The following DOCK4 variants were observed in gnomAD, a reference collection of about 807,000 sequenced individuals.
The protein encoded by DOCK4 is dedicator of cytokinesis 4.
DOCK4 carries 97 observed loss-of-function variants against 268.1 expected under a neutral mutation model. That is an observed-to-expected ratio of 0.36 (90% CI 0.31 to 0.43). The LOEUF is 0.43. Ranked by LOEUF, DOCK4 falls within the 20% of genes least tolerant of loss-of-function variation. The pLI is 1.00. For missense variants in DOCK4, 2,145 were observed against 2,455.7 expected, an observed-to-expected ratio of 0.87 and a Z score of 2.67; for synonymous variants, 954 against 887.2, an observed-to-expected ratio of 1.08 and a Z score of -1.34.
intron 13 of DOCK4, among the ~76,000 whole-genome samples, chr7:111,914,635 T>C (rs570096132): frequency 6.6e-6 from 1 of 152,276 alleles, no homozygotes; most frequent in African/African-American, 2.4e-5. Flanking sequence ...CTCATGTCTT[T>C]TAGGTCTCTA....
At chr7:111,939,570 A>T (rs1795037496) in intron 11 of DOCK4, among the ~76,000 whole-genome samples, 1 of 152,092 alleles carries the variant, frequency 6.6e-6, no homozygotes, top group African/African-American at 2.4e-5. Flanking sequence ...TTGGAATGCT[A>T]AGCATGTGGA....
At chr7:112,083,111 AT>A (rs1214403466) in intron 1 of DOCK4, among the ~76,000 whole-genome samples, 2 of 152,118 alleles carry the variant, frequency 1.3e-5, no homozygotes, top group African/African-American at 4.8e-5. Flanking sequence ...CACAACATAA[AT>A]TTTATAAATA....
At chr7:112,066,213 G>A (rs1806914115) in intron 1 of DOCK4, among the ~76,000 whole-genome samples, 1 of 151,926 alleles carries the variant, frequency 6.6e-6, no homozygotes, top group Non-Finnish European at 1.5e-5. Context: ...ACTGGCTAAG[G>A]GTCCAAACAG....
At chr7:111,848,499 C>G (rs1432249752) in intron 23 of DOCK4, among the ~76,000 whole-genome samples, 2 of 152,226 alleles carry the variant, frequency 1.3e-5, no homozygotes, top group Non-Finnish European at 2.9e-5. Flanking sequence ...GAGCTTCCCA[C>G]TCTTGTTTCA....
intron 1 of DOCK4, among the ~76,000 whole-genome samples, chr7:112,184,375 C>T (rs1366889027): frequency 6.6e-6 from 1 of 152,188 alleles, no homozygotes; most frequent in Non-Finnish European, 1.5e-5. Flanking sequence ...GCACCTCTTG[C>T]AGATGCTGCT....
At chr7:111,997,293 C>T (rs953510883) in intron 4 of DOCK4, among the ~76,000 whole-genome samples, 6 of 152,174 alleles carry the variant, frequency 3.9e-5, no homozygotes, top group Non-Finnish European at 7.3e-5. Flanking sequence ...CTTAAAAGAT[C>T]AGTAGTAGTA....
At chr7:112,110,783 T>TATCC (rs1471103440) in intron 1 of DOCK4, among the ~76,000 whole-genome samples, 1 of 152,096 alleles carries the variant, frequency 6.6e-6, no homozygotes, top group Non-Finnish European at 1.5e-5. Context: ...ATAGACACAG[T>TATCC]ATCCACTGCT....
intron 1 of DOCK4, among the ~76,000 whole-genome samples, chr7:112,069,098 T>G (rs1019598752): frequency 6.6e-6 from 1 of 152,198 alleles, no homozygotes; most frequent in African/African-American, 2.4e-5. Flanking sequence ...CTGGCTATTC[T>G]GAGTGCCCAA....
At chr7:111,983,066 C>T (rs995735867) in intron 7 of DOCK4, among the ~76,000 whole-genome samples, 34 of 151,734 alleles carry the variant, frequency 2.2e-4, no homozygotes, top group African/African-American at 7.6e-4. Context: ...TGAAGGCAAG[C>T]AGCACACAAC....
chr7:111,822,555 C>A, intron 26 of DOCK4, 99 bp from the exon 27 acceptor site: 1 of 1,047,514 alleles, frequency 9.5e-7, no homozygotes. Flanking sequence ...TTACCATTTC[C>A]AAAGCAATTA....
chr7:111,767,183 T>C, intron 37 of DOCK4, 65 bp from the exon 38 acceptor site: 1 of 1,376,530 alleles, frequency 7.3e-7, no homozygotes, highest in Non-Finnish European at 1.0e-6. Context: ...TACCCAAAAG[T>C]CAGAACATGA....
At chr7:111,910,086 A>G (rs1791968207) in intron 13 of DOCK4, among the ~76,000 whole-genome samples, 2 of 152,214 alleles carry the variant, frequency 1.3e-5, no homozygotes, top group African/African-American at 4.8e-5. Context: ...AGTTTAACCA[A>G]TGGATATGTG....
At chr7:112,152,611 C>G (rs1193293875) in intron 1 of DOCK4, among the ~76,000 whole-genome samples, 1 of 152,184 alleles carries the variant, frequency 6.6e-6, no homozygotes, top group Non-Finnish European at 1.5e-5. Flanking sequence ...AACTCATCCA[C>G]CATTCAAAAC....
intron 6 of DOCK4, among the ~76,000 whole-genome samples, chr7:111,986,623 C>G (rs775714103): frequency 5.9e-5 from 9 of 151,974 alleles, no homozygotes; most frequent in Non-Finnish European, 1.3e-4. Flanking sequence ...CTCTGTGACA[C>G]CAAGAAGAAA....
At chr7:111,984,467 T>TATC (rs1798890410) in intron 6 of DOCK4, 77 bp from the exon 7 acceptor site, 7 of 1,270,826 alleles carry the variant, frequency 5.5e-6, no homozygotes, top group Middle Eastern at 1.9e-4. Context: ...TTTTTTACTA[T>TATC]ATCACTTGGA....
At chr7:111,840,796 T>C (rs1223282774) in intron 25 of DOCK4, 6 of 1,321,554 alleles carry the variant, frequency 4.5e-6, no homozygotes, top group Non-Finnish European at 5.9e-6. Flanking sequence ...CTTTTCCATA[T>C]GTGTCTGCAC....
chr7:111,944,786 C>T, intron 10 of DOCK4, 25 bp downstream of exon 10: 2 of 1,608,254 alleles, frequency 1.2e-6, no homozygotes, highest in Non-Finnish European at 1.7e-6. Flanking sequence ...CTTGCCCCTA[C>T]TGCACTGACA....
rs751998356 is a variant in DOCK4, at chr7:111,735,036, A to G, written c.5419+18T>C. On this transcript the variant is annotated intron_variant, in intron 51 of 52. Coordinates refer to ENST00000428084, the MANE Select transcript of DOCK4 (RefSeq NM_001363540.2). ...GTTATTTTATAAAAGTGATCATTCA[A>G]ATTCTTCAAATACCCACCAGTCTGT... The G allele has an allele frequency of 1.9e-5, 29 of 1,536,324 alleles. No individual in the cohort carries two copies. The highest frequency in any genetic ancestry group is 2.0e-5 in the Non-Finnish European group (23 of 1,128,514).
intron 30 of DOCK4, among the ~76,000 whole-genome samples, chr7:111,804,571 AAT>A (rs1800533268): frequency 6.6e-6 from 1 of 152,144 alleles, no homozygotes; most frequent in African/African-American, 2.4e-5. Flanking sequence ...TGGCCTGAAA[AAT>A]AGTTAGAATG....
Sources: allele counts gnomAD v4.1 joint callset (sites outside exome capture counted in the v4.1 genomes callset), GRCh38; gene constraint gnomAD v4.1.1; transcripts MANE v1.5; gene names NCBI Gene and HGNC (gene_info 2026-07-23, HGNC 2026-07-21).